The following TMA7B variants were observed in gnomAD, a reference collection of about 807,000 sequenced individuals.
TMA7B encodes translation machinery-associated protein 7B.
At chr22:39,960,510 A>G in the TMA7B span, 1 of 233,294 alleles carries the variant, frequency 4.3e-6, no homozygotes, top group South Asian at 9.2e-5. Flanking sequence ...CTCAGTGAGT[A>G]TTTGTGGAAG....
At chr22:39,964,135 A>T in the TMA7B span, 1 of 440,880 alleles carries the variant, frequency 2.3e-6, no homozygotes. Context: ...TTTTAGATAT[A>T]AATGTATGTC....
the TMA7B span, among the ~76,000 whole-genome samples, chr22:39,963,181 A>C: frequency 6.6e-6 from 1 of 152,222 alleles, no homozygotes. Flanking sequence ...TCATGGGCAC[A>C]GATAATTAAG....
At chr22:39,964,712 T>C in the TMA7B span, 417 of 374,200 alleles carry the variant, frequency 1.1e-3, no homozygotes, top group Non-Finnish European at 1.3e-3. Flanking sequence ...GAATAAACTT[T>C]TGTAAAAAAA....
At chr22:39,960,953 C>CTTTTTTT in the TMA7B span, 3 of 131,056 alleles carry the variant, frequency 2.3e-5, 1 homozygote, top group Non-Finnish European at 3.2e-5. Context: ...CCCAAGTCTT[C>CTTTTTTT]TTTTTTTTTT....
the TMA7B span, chr22:39,964,374 C>T: frequency 2.7e-6 from 2 of 731,668 alleles, no homozygotes; most frequent in Non-Finnish European, 4.9e-6. Flanking sequence ...CGGCAGGCGC[C>T]ATGTCCAGCC....
At chr22:39,962,422 C>T in the TMA7B span, among the ~76,000 whole-genome samples, 1 of 151,854 alleles carries the variant, frequency 6.6e-6, no homozygotes, top group African/African-American at 2.4e-5. Context: ...AAGACCCTGT[C>T]TCAAGAGAAA....
At chr22:39,961,615 A>G in the TMA7B span, among the ~76,000 whole-genome samples, 3 of 152,300 alleles carry the variant, frequency 2.0e-5, no homozygotes, top group Non-Finnish European at 2.9e-5. Flanking sequence ...CACAGCCCCA[A>G]ACTCAGAAGC....
chr22:39,964,471 CA>C, the TMA7B span: 2 of 1,026,954 alleles, frequency 1.9e-6, no homozygotes, highest in East Asian at 2.5e-5. Context: ...CAAGCAGAAA[CA>C]AAAAGAGGAG....
chr22:39,964,689 G>A, the TMA7B span: 2 of 374,674 alleles, frequency 5.3e-6, no homozygotes, highest in Non-Finnish European at 9.5e-6. Flanking sequence ...TCTTGGAGCT[G>A]TTGTACATTT....
the TMA7B span, chr22:39,964,341 A>C: frequency 2.6e-4 from 184 of 703,298 alleles, no homozygotes; most frequent in Admixed American, 1.2e-3. Flanking sequence ...GTTATCGTCC[A>C]GTGGCAGGGT....
At chr22:39,962,924 C>T in the TMA7B span, among the ~76,000 whole-genome samples, 1 of 152,100 alleles carries the variant, frequency 6.6e-6, no homozygotes, top group African/African-American at 2.4e-5. Flanking sequence ...CCGCCTCAGC[C>T]TCCCAAAGTG....
At chr22:39,962,075 C>G in the TMA7B span, among the ~76,000 whole-genome samples, 1 of 152,192 alleles carries the variant, frequency 6.6e-6, no homozygotes, top group Non-Finnish European at 1.5e-5. Context: ...TGATGTATCA[C>G]AAATTCTAAT....
the TMA7B span, among the ~76,000 whole-genome samples, chr22:39,963,172 C>T: frequency 2.6e-5 from 4 of 152,160 alleles, no homozygotes; most frequent in Non-Finnish European, 4.4e-5. Context: ...TTACATCTGT[C>T]ATGGGCACAG....
At chr22:39,960,415 T>C in the TMA7B span, 1 of 462,792 alleles carries the variant, frequency 2.2e-6, no homozygotes. Context: ...TGCCTCCCCT[T>C]CTAGCCCAGG....
the TMA7B span, chr22:39,964,271 C>T: frequency 1.4e-5 from 9 of 627,444 alleles, no homozygotes; most frequent in South Asian, 3.7e-5. Context: ...AGCCCTGGTT[C>T]GAATGTGTCC....
chr22:39,962,698 C>T, the TMA7B span, among the ~76,000 whole-genome samples: 1 of 151,816 alleles, frequency 6.6e-6, no homozygotes, highest in South Asian at 2.1e-4. Context: ...CGCTCTGTCG[C>T]CCAGGCTGGA....
the TMA7B span, chr22:39,964,117 C>T: frequency 1.3e-5 from 5 of 388,744 alleles, no homozygotes; most frequent in Non-Finnish European, 2.3e-5. Flanking sequence ...TCACTAGTGC[C>T]AGTTTATTTT....
At chr22:39,963,292 A>C in the TMA7B span, among the ~76,000 whole-genome samples, 1 of 152,174 alleles carries the variant, frequency 6.6e-6, no homozygotes, top group African/African-American at 2.4e-5. Flanking sequence ...GTTCCTCTTC[A>C]GGCTTGAGAC....
At chr22:39,961,224 C>T in the TMA7B span, among the ~76,000 whole-genome samples, 2 of 152,010 alleles carry the variant, frequency 1.3e-5, no homozygotes, top group Non-Finnish European at 2.9e-5. Context: ...CCATAGTGAC[C>T]CTTCTAGTCT....
Sources: gnomAD v4.1 joint callset for allele counts (sites outside exome capture counted in the v4.1 genomes callset) on GRCh38, gnomAD v4.1.1 for gene constraint, MANE v1.5 for transcripts, NCBI Gene and HGNC (gene_info 2026-07-23, HGNC 2026-07-21) for gene names.